The following OTX1 variants were observed in gnomAD, a reference collection of about 807,000 sequenced individuals.
The protein encoded by OTX1 is orthodenticle homeobox 1.
A neutral mutation model predicts 26.7 loss-of-function variants in OTX1; 7 were observed. That is an observed-to-expected ratio of 0.26 (90% CI 0.15 to 0.49). The LOEUF (loss-of-function observed/expected upper bound fraction) is 0.49. Ranked by LOEUF, OTX1 falls within the 20% of genes least tolerant of loss-of-function variation. The pLI is 0.98. For synonymous variants in OTX1, 216 were observed against 212.8 expected (o/e 1.01, Z -0.13); for missense variants, 414 against 483.8 (o/e 0.86, Z 1.35).
At chr2:63,053,420 C>G in intron 3 of OTX1, 1 of 284,912 alleles carries the variant, frequency 3.5e-6, no homozygotes, top group Non-Finnish European at 6.4e-6. Context: ...CCTTTTTCCC[C>G]AACATGGAAT....
chr2:63,053,717 T>G (rs1284222652), intron 3 of OTX1, among the ~76,000 whole-genome samples: 1 of 152,062 alleles, frequency 6.6e-6, no homozygotes, highest in South Asian at 2.1e-4. Context: ...AGTGTGTGTG[T>G]GCGTGTGTGT....
upstream of OTX1, chr2:63,050,713 C>T (rs2062019205): frequency 6.6e-6 from 1 of 152,060 alleles, no homozygotes; most frequent in African/African-American, 2.4e-5. Context: ...ACCCCCGGCT[C>T]GCGCAGCCAT....
chr2:63,051,913 C>T (rs2062029617), intron 2 of OTX1: 1 of 152,580 alleles, frequency 6.6e-6, no homozygotes, highest in Admixed American at 6.5e-5. Flanking sequence ...TTCGACCTCC[C>T]AGCTCGGGTC....
chr2:63,049,874 T>A (rs550422481), upstream of OTX1, among the ~76,000 whole-genome samples: 2 of 152,194 alleles, frequency 1.3e-5, no homozygotes, highest in African/African-American at 4.8e-5. The surrounding 1 kb of genome is among the most constrained non-coding windows in gnomAD (Gnocchi z 4.8). Flanking sequence ...TCCGGGGAAA[T>A]CGCCTCAAGG....
intron 1 of OTX1, 117 bp from the exon 2 acceptor site, chr2:63,051,132 C>A (rs2062022802): frequency 2.0e-5 from 3 of 152,130 alleles, no homozygotes; most frequent in Non-Finnish European, 2.9e-5. Context: ...CAGAAGGACA[C>A]GCACAAAGCC....
chr2:63,052,251 G>A (rs1455031026), intron 2 of OTX1: 1 of 152,466 alleles, frequency 6.6e-6, no homozygotes, highest in East Asian at 1.9e-4. Flanking sequence ...TGCGAAGCCT[G>A]GGCCCGTTAC....
At position 63,055,694 on chromosome 2, in the gene OTX1, A is replaced by T. The variant is rs1410124398; in HGVS notation, c.443A>T (p.Asn148Ile). ...SSSSASSSSA[N>I]PAAAAAAGLG... ...AGCTCGGCGTCCAGCTCTTCCGCCA[A>T]CCCAGCGGCTGCAGCGGCTGCGGGA... The change falls in exon 5 of 5, where the codon AAC becomes ATC. Residue 148 changes from asparagine to isoleucine, a missense_variant. This residue lies in a region of OTX1 where 320 missense variants were observed against 347.9 expected (regional missense o/e 0.92). Coordinates refer to ENST00000282549, the MANE Select transcript of OTX1 (RefSeq NM_014562.4). This position sits in a 1 kb window ranked among gnomAD's most constrained non-coding sequence, Gnocchi z 5.2. The T allele has an allele frequency of 1.2e-6, 2 of 1,613,578 alleles. No homozygotes were observed. Among genetic ancestry groups the T allele is most frequent in the African/African-American group, 2.7e-5 (2 of 75,048 alleles).
chr2:63,049,842 T>C (rs2062010133), upstream of OTX1, among the ~76,000 whole-genome samples: 1 of 152,184 alleles, frequency 6.6e-6, no homozygotes, highest in African/African-American at 2.4e-5. The surrounding 1 kb of genome is among the most constrained non-coding windows in gnomAD (Gnocchi z 4.8). Flanking sequence ...GGGTGGGAAA[T>C]GGGCTTCGCC....
In OTX1 at chr2:63,056,833, G is replaced by A. The variant is rs2062071369; in HGVS notation, c.*517G>A. ...GACTGCTGCCCCTTCAGCTGCCCTCGATTTTGCTCCACGCCTGCCGGCCAG... is the reference window on the plus strand; with the variant it reads ...GACTGCTGCCCCTTCAGCTGCCCTCAATTTTGCTCCACGCCTGCCGGCCAG... On this transcript the variant is annotated 3_prime_UTR_variant, in exon 5 of 5. Coordinates refer to ENST00000282549, the MANE Select transcript of OTX1 (RefSeq NM_014562.4). 1 of 154,354 alleles carries A rather than the reference G, an allele frequency of 6.5e-6. No individual in the cohort carries two copies. The highest frequency in any genetic ancestry group is 1.4e-5 in the Non-Finnish European group (1 of 69,470). The allele number at this position is 154,354 out of a possible 1,614,324, so 9.6% of individuals were successfully genotyped here.
chr2:63,053,143 GACTGTT>G, intron 3 of OTX1, 56 bp downstream of exon 3: 1 of 1,226,444 alleles, frequency 8.2e-7, no homozygotes, highest in Non-Finnish European at 1.1e-6. Context: ...GGGACCCCCA[GACTGTT>G]GGATTTGAGT....
intron 4 of OTX1, 60 bp downstream of exon 4, chr2:63,054,258 C>T (rs1394408937): frequency 3.3e-6 from 5 of 1,494,590 alleles, no homozygotes; most frequent in Admixed American, 2.2e-5. Context: ...CGGGGAAGGT[C>T]TAGGAAGGCT....
At chr2:63,051,809 G>A (rs1156791589) in intron 2 of OTX1, 1 of 152,588 alleles carries the variant, frequency 6.6e-6, no homozygotes, top group Admixed American at 6.5e-5. Flanking sequence ...GGGGTGTAGC[G>A]ATGGCCCCCC....
At position 63,056,005 on chromosome 2, in the gene OTX1, C is replaced by G. The variant is rs574223893; in HGVS notation, c.754C>G (p.Leu252Val). 1.2e-6 allele frequency: 2 copies of G among 1,614,064 alleles called. No homozygotes were observed. The highest frequency in any genetic ancestry group is 2.2e-5 in the East Asian group (1 of 44,880). The change falls in exon 5 of 5, where the codon CTA becomes GTA. Residue 252 changes from leucine (L) to valine (V), a missense_variant. Leu to Val is a conservative substitution (Grantham distance 32, BLOSUM62 1). This residue lies in a region of OTX1 where 320 missense variants were observed against 347.9 expected (regional missense o/e 0.92). Transcript: ENST00000282549. ...YFGGVDCSSYLAPMHSHHHPH... is the reference protein window; with the variant it reads ...YFGGVDCSSYVAPMHSHHHPH... ...TGGCGGCGTGGACTGCAGCTCATACCTAGCGCCCATGCACTCACATCACCA... is the reference window on the plus strand; with the variant it reads ...TGGCGGCGTGGACTGCAGCTCATACGTAGCGCCCATGCACTCACATCACCA...
At chr2:63,053,490 C>G (rs1272007079) in intron 3 of OTX1, 1 of 194,502 alleles carries the variant, frequency 5.1e-6, no homozygotes, top group Non-Finnish European at 1.0e-5. Context: ...TTATGCGAAG[C>G]GGCAGGCTGC....
rs1199250611 is a variant in OTX1 at position 63,056,752 on chromosome 2, A to G, written c.*436A>G. Reference sequence around the variant, plus strand: ...GTCACTAACTGGCGTGTTTCTGCCCATTGGAGCACCCGCACACTACTCCAA... The same window carrying G: ...GTCACTAACTGGCGTGTTTCTGCCCGTTGGAGCACCCGCACACTACTCCAA... On this transcript the variant is annotated 3_prime_UTR_variant, in exon 5 of 5. Transcript: ENST00000282549. 2 of 180,414 alleles carry G rather than the reference A, an allele frequency of 1.1e-5. No individual in the cohort carries two copies. Among genetic ancestry groups the G allele is most frequent in the South Asian group, 1.2e-4 (1 of 8,206 alleles). 11.2% of individuals were successfully genotyped at this position (180,414 alleles called of 1,614,324 possible). A position where few individuals can be genotyped will look rare whatever the true frequency, so the allele number is the denominator to read the frequency against.
upstream of OTX1, chr2:63,050,798 G>C (rs2062019909): frequency 6.6e-6 from 1 of 152,354 alleles, no homozygotes; most frequent in African/African-American, 2.4e-5. Context: ...CTCGCCTCGC[G>C]TTCACATACC....
chr2:63,057,490 A>C lies in OTX1; in HGVS notation c.*1174A>C, dbSNP rs1170445895. On this transcript the variant is annotated 3_prime_UTR_variant, in exon 5 of 5. Transcript: ENST00000282549. ...CAAGAAAACCAAAACCAGGGAACAA[A>C]ACAACAAAACAAAACAAAATCCGTA... 6.6e-6 allele frequency: 1 copy of C among 152,360 alleles called. No homozygotes were observed. The highest frequency in any genetic ancestry group is 1.5e-5 in the Non-Finnish European group (1 of 68,160). The allele number at this position is 152,360 out of a possible 1,614,324, so 9.4% of individuals were successfully genotyped here. A position where few individuals can be genotyped will look rare whatever the true frequency, so the allele number is the denominator to read the frequency against.
rs2062055753 is a variant in OTX1, at chr2:63,055,369, A to AC, written c.250-131dup. 1 of 956,990 alleles carries AC rather than the reference A, an allele frequency of 1.0e-6. No homozygotes were observed. Among genetic ancestry groups the AC allele is most frequent in the East Asian group, 2.6e-5 (1 of 38,154 alleles). The allele number at this position is 956,990 out of a possible 1,614,324, so 59.3% of individuals were successfully genotyped here. On this transcript the variant is annotated intron_variant, in intron 4 of 4. Coordinates refer to ENST00000282549, the MANE Select transcript of OTX1 (RefSeq NM_014562.4). The surrounding 1 kb of genome is among the most constrained non-coding windows in gnomAD (Gnocchi z 5.2). ...GGGGCAGGGTCTGGCCAGGCCAGAG[A>AC]CAGGAAGGGGCGGAGGCCTCGGTGA...
At position 63,054,211 on chromosome 2, in the gene OTX1, C is replaced by T. The variant is rs199753913; in HGVS notation, c.249+13C>T. On this transcript the variant is annotated intron_variant, in intron 4 of 4. Coordinates refer to ENST00000282549, the MANE Select transcript of OTX1 (RefSeq NM_014562.4). ...GTCTAGAGTCCAGGTGCGCACTCCC[C>T]GGGCTCCAGGGTCTGGGTAGGGGAG... is the stretch of plus-strand genomic sequence containing the variant. 4.1e-5 allele frequency: 65 copies of T among 1,575,242 alleles called. No homozygotes were observed. Among genetic ancestry groups the T allele is most frequent in the Middle Eastern group, 1.8e-4 (1 of 5,698 alleles).
Sources: gnomAD v4.1 joint callset for allele counts (sites outside exome capture counted in the v4.1 genomes callset) on GRCh38, gnomAD v4.1.1 for gene constraint, gnomAD v4.1.1 regional missense constraint, Gnocchi (gnomAD v3.1) non-coding constraint, MANE v1.5 for transcripts, NCBI Gene and HGNC (gene_info 2026-07-23, HGNC 2026-07-21) for gene names.